Variants in LAP3 observed in about 807,000 individuals in gnomAD.
LAP3 encodes cytosol aminopeptidase.
In LAP3, 46 loss-of-function variants were observed where a neutral mutation model predicts 58.8. The ratio of observed to expected loss-of-function variants is 0.78; its 90% CI spans 0.62 to 1.00. The LOEUF is 1.00. Ranked by LOEUF, LAP3 falls within the 50% of genes least tolerant of loss-of-function variation. The probability of loss-of-function intolerance (pLI) is 0.00; values close to 1 mark genes in which losing one functional copy is unlikely to be tolerated. For missense variants in LAP3, 615 were observed against 659.1 expected (o/e 0.93, Z 0.73); for synonymous variants, 257 against 237.7 (o/e 1.08, Z -0.75).
chr4:17,596,952 T>C, intron 8 of LAP3, 94 bp from the exon 9 acceptor site: 1 of 1,107,226 alleles, frequency 9.0e-7, no homozygotes, highest in Non-Finnish European at 1.4e-6. Context: ...CCTTTGTGTC[T>C]TGCTTCTCAT....
intron 1 of LAP3, 33 bp downstream of exon 1, chr4:17,577,600 C>T: frequency 6.7e-7 from 1 of 1,492,636 alleles, no homozygotes; most frequent in Non-Finnish European, 9.0e-7. Flanking sequence ...TGGTCCGCCG[C>T]TGGGGCCCTG....
At chr4:17,598,333 G>A in intron 9 of LAP3, 123 bp from the exon 10 acceptor site, 4 of 729,214 alleles carry the variant, frequency 5.5e-6, no homozygotes, top group African/African-American at 1.7e-5. Flanking sequence ...AAGTATGAAT[G>A]GTTTGATAAT....
At chr4:17,584,293 C>T (rs1560342327) in intron 5 of LAP3, among the ~76,000 whole-genome samples, 2 of 152,224 alleles carry the variant, frequency 1.3e-5, no homozygotes, top group South Asian at 2.1e-4. Context: ...CATTTGTTTA[C>T]TAGAGTTGTA....
chr4:17,595,199 C>T (rs1409869725), intron 7 of LAP3, among the ~76,000 whole-genome samples: 14 of 150,430 alleles, frequency 9.3e-5, no homozygotes, highest in Admixed American at 2.7e-4. Context: ...CCACCACACC[C>T]GGCTAATTTT....
In LAP3 at chr4:17,602,846, G is replaced by A. The variant is rs557222084; in HGVS notation, c.1181-1742G>A. Among the ~76,000 whole-genome samples, 57 of 151,834 alleles carry A rather than the reference G, an allele frequency of 3.8e-4. No homozygotes were observed. In the East Asian group the frequency reaches 8.1e-3, roughly 22 times the overall value. ...ATTACAGGCATGCGCCACCACACTC[G>A]GATTTTTGTATTTTTAGTAGAGACG... On this transcript the variant is annotated intron_variant, in intron 10 of 12. Transcript: ENST00000226299.
chr4:17,583,207 T>G (rs374761224), intron 4 of LAP3, among the ~76,000 whole-genome samples: 1 of 152,194 alleles, frequency 6.6e-6, no homozygotes, highest in Non-Finnish European at 1.5e-5. Flanking sequence ...CTAGGAATAA[T>G]TGCCACTTCC....
chr4:17,583,539 G>T lies in LAP3; in HGVS notation c.436G>T (p.Gly146Ter). ...ELSSVEVDPC[G>*]DAQAAAEGAV... ...CTCGTCTGTGGAGGTGGATCCCTGT[G>T]GAGACGCTCAGGCTGCTGCGGAGGG... The change falls in exon 5 of 13, where the codon GGA (glycine) becomes TGA (stop). Residue 146 changes from glycine to a stop codon, truncating the protein, a stop_gained. Transcript: ENST00000226299. LOFTEE classifies it high-confidence loss of function. The T allele has an allele frequency of 6.2e-7, 1 of 1,614,184 alleles. No individual in the cohort carries two copies. The highest frequency in any genetic ancestry group is 8.5e-7 in the Non-Finnish European group (1 of 1,180,036).
At chr4:17,603,225 A>G (rs1714023449) in intron 10 of LAP3, among the ~76,000 whole-genome samples, 1 of 151,772 alleles carries the variant, frequency 6.6e-6, no homozygotes, top group East Asian at 2.0e-4. Flanking sequence ...AGAGAATGGC[A>G]TGAACCCGGG....
intron 1 of LAP3, among the ~76,000 whole-genome samples, chr4:17,577,786 T>G (rs1577217084): frequency 6.6e-6 from 1 of 151,920 alleles, no homozygotes; most frequent in East Asian, 1.9e-4. Context: ...GGCTAGGGGG[T>G]GATGGTTGTA....
chr4:17,594,794 C>T (rs139472005), intron 7 of LAP3, among the ~76,000 whole-genome samples: 1 of 152,286 alleles, frequency 6.6e-6, no homozygotes, highest in Non-Finnish European at 1.5e-5. Flanking sequence ...CAGAGAAATG[C>T]CTCCAGTCAT....
intron 10 of LAP3, among the ~76,000 whole-genome samples, chr4:17,600,570 A>G (rs977563300): frequency 2.6e-5 from 4 of 152,176 alleles, no homozygotes; most frequent in African/African-American, 9.6e-5. Context: ...TAATAGCAGC[A>G]TTCTACCCCA....
intron 7 of LAP3, among the ~76,000 whole-genome samples, chr4:17,592,765 C>T (rs986762357): frequency 6.6e-6 from 1 of 152,172 alleles, no homozygotes; most frequent in Non-Finnish European, 1.5e-5. Context: ...ACAGTGATCT[C>T]TCTTTGTGGT....
intron 6 of LAP3, chr4:17,585,708 C>G (rs956716588): frequency 6.6e-6 from 1 of 152,410 alleles, no homozygotes; most frequent in African/African-American, 2.4e-5. Flanking sequence ...GCCATGACCC[C>G]GCCATGCGGC....
intron 9 of LAP3, 41 bp downstream of exon 9, chr4:17,597,175 C>A: frequency 6.5e-7 from 1 of 1,538,050 alleles, no homozygotes; most frequent in Non-Finnish European, 9.0e-7. Flanking sequence ...TCCAGCGTTC[C>A]TCAGGAATCC....
At position 17,577,346 on chromosome 4, in the gene LAP3, G is replaced by A. The variant is rs1713222500; in HGVS notation, c.-120G>A. 2 of 569,704 alleles carry A rather than the reference G, an allele frequency of 3.5e-6. No homozygotes were observed. Among genetic ancestry groups the A allele is most frequent in the South Asian group, 2.5e-5 (1 of 40,396 alleles). The allele number at this position is 569,704 out of a possible 1,614,324, so 35.3% of individuals were successfully genotyped here. A position where few individuals can be genotyped will look rare whatever the true frequency, so the allele number is the denominator to read the frequency against. On this transcript the variant is annotated 5_prime_UTR_variant, in exon 1 of 13. Coordinates refer to ENST00000226299, the MANE Select transcript of LAP3 (RefSeq NM_015907.3). Reference sequence around the variant, plus strand: ...CCCCTAGACGCACGTCCGCTCGCCCGGCGCCCGAGCCAGTCCGCGCGCACG... The same window carrying A: ...CCCCTAGACGCACGTCCGCTCGCCCAGCGCCCGAGCCAGTCCGCGCGCACG...
At position 17,597,042 on chromosome 4, in the gene LAP3, A is replaced by G. The variant is rs756072528; in HGVS notation, c.989-4A>G. ...TGTGTGCCTTCATATATTATTTCCA[A>G]TAGGTCTGGCCCCTCTTTGTGAAAA... On this transcript the variant is annotated splice_region_variant and splice_polypyrimidine_tract_variant and intron_variant, in intron 8 of 12. Coordinates refer to ENST00000226299, the MANE Select transcript of LAP3 (RefSeq NM_015907.3). The G allele has an allele frequency of 4.3e-6, 7 of 1,614,142 alleles. No individual in the cohort carries two copies. Among genetic ancestry groups the G allele is most frequent in the East Asian group, 2.2e-5 (1 of 44,878 alleles).
chr4:17,598,394 A>G (rs1253824881), intron 9 of LAP3, 62 bp from the exon 10 acceptor site: 1 of 1,197,848 alleles, frequency 8.3e-7, no homozygotes, highest in Non-Finnish European at 1.2e-6. Flanking sequence ...CACTGTTGCA[A>G]GTGTCTAGTT....
In LAP3 at chr4:17,583,554, G is replaced by T. The variant is rs1713421376; in HGVS notation, c.451G>T (p.Ala151Ser). 6.2e-7 allele frequency: 1 copy of T among 1,614,184 alleles called. No homozygotes were observed. The highest frequency in any genetic ancestry group is 1.1e-5 in the South Asian group (1 of 91,080). The change falls in exon 5 of 13, where the codon GCT becomes TCT. Residue 151 changes from alanine (A) to serine (S), a missense_variant. Coordinates refer to ENST00000226299, the MANE Select transcript of LAP3 (RefSeq NM_015907.3). The part of the protein sequence containing the change: ...EVDPCGDAQA[A>S]AEGAVLGLYE... Reference sequence around the variant, plus strand: ...GGATCCCTGTGGAGACGCTCAGGCTGCTGCGGAGGGAGCGGTGCTTGGTCT... The same window carrying T: ...GGATCCCTGTGGAGACGCTCAGGCTTCTGCGGAGGGAGCGGTGCTTGGTCT...
At chr4:17,580,043 G>GC (rs1300572463) in intron 2 of LAP3, 104 bp downstream of exon 2, 3 of 666,758 alleles carry the variant, frequency 4.5e-6, no homozygotes, top group Non-Finnish European at 7.6e-6. Flanking sequence ...TGTTGCCCAG[G>GC]CTGGAGTGCA....
Sources: gnomAD v4.1 joint callset for allele counts (sites outside exome capture counted in the v4.1 genomes callset) on GRCh38, gnomAD v4.1.1 for gene constraint, MANE v1.5 for transcripts, NCBI Gene and HGNC (gene_info 2026-07-23, HGNC 2026-07-21) for gene names.